Variants in CNTN5 observed in about 807,000 individuals in gnomAD.
CNTN5 encodes contactin 5.
CNTN5 carries 77 observed loss-of-function variants against 129.1 expected under a neutral mutation model. That is an observed-to-expected ratio of 0.60 (90% CI 0.50 to 0.72). The LOEUF (loss-of-function observed/expected upper bound fraction) is 0.72. Ranked by LOEUF, CNTN5 falls within the 30% of genes least tolerant of loss-of-function variation. The probability of loss-of-function intolerance (pLI) is 0.00; values close to 1 mark genes in which losing one functional copy is unlikely to be tolerated. For synonymous variants in CNTN5, 509 were observed against 465.6 expected (o/e 1.09, Z -1.20); for missense variants, 1,478 against 1,328.8 (o/e 1.11, Z -1.75).
intron 6 of CNTN5, among the ~76,000 whole-genome samples, chr11:99,860,194 A>G (rs1948162168): frequency 6.6e-6 from 1 of 151,922 alleles, no homozygotes; most frequent in South Asian, 2.1e-4. Flanking sequence ...ATGGGGTTAT[A>G]GATTCTGAAT....
intron 15 of CNTN5, among the ~76,000 whole-genome samples, chr11:100,218,982 C>A (rs1565350336): frequency 6.6e-6 from 1 of 152,172 alleles, no homozygotes. Flanking sequence ...ATAAAGACCT[C>A]ATTTCAAAGC....
At chr11:99,677,181 AT>A (rs529257945) in intron 3 of CNTN5, among the ~76,000 whole-genome samples, 1 of 152,194 alleles carries the variant, frequency 6.6e-6, no homozygotes, top group Non-Finnish European at 1.5e-5. Context: ...TGCTTATTGA[AT>A]TCCAAAATGA....
chr11:100,173,307 C>A (rs1284464537), intron 13 of CNTN5, among the ~76,000 whole-genome samples: 2 of 152,062 alleles, frequency 1.3e-5, no homozygotes, highest in African/African-American at 4.8e-5. Context: ...TTTTTCTTAA[C>A]CTAACCTTCC....
chr11:99,723,787 C>T (rs1018022644), intron 3 of CNTN5, among the ~76,000 whole-genome samples: 51 of 143,464 alleles, frequency 3.6e-4, no homozygotes, highest in African/African-American at 1.1e-3. Flanking sequence ...CGTGTGCATG[C>T]GCACGCGTGT....
intron 13 of CNTN5, among the ~76,000 whole-genome samples, chr11:100,111,731 AG>A (rs1945664109): frequency 6.6e-6 from 1 of 152,188 alleles, no homozygotes; most frequent in African/African-American, 2.4e-5. Context: ...ATTGTAGAGA[AG>A]ATCTCTAGAT....
At chr11:99,161,033 A>G (rs1190139998) in intron 1 of CNTN5, among the ~76,000 whole-genome samples, 4 of 152,208 alleles carry the variant, frequency 2.6e-5, no homozygotes, top group Non-Finnish European at 5.9e-5. Flanking sequence ...AGTTTGTGAC[A>G]GAAACTGAGT....
At chr11:100,120,840 A>G (rs974418974) in intron 13 of CNTN5, among the ~76,000 whole-genome samples, 1 of 152,018 alleles carries the variant, frequency 6.6e-6, no homozygotes, top group Non-Finnish European at 1.5e-5. Flanking sequence ...TGTAATAAAA[A>G]TAAATTTATT....
intron 1 of CNTN5, among the ~76,000 whole-genome samples, chr11:99,265,332 T>C (rs1862837822): frequency 6.6e-6 from 1 of 151,974 alleles, no homozygotes; most frequent in Non-Finnish European, 1.5e-5. Flanking sequence ...TAAGAAAGAG[T>C]ATAGATTTAT....
At chr11:99,902,210 C>T (rs997408639) in intron 6 of CNTN5, among the ~76,000 whole-genome samples, 62 of 150,314 alleles carry the variant, frequency 4.1e-4, no homozygotes, top group African/African-American at 1.5e-3. Flanking sequence ...TGGATCTACT[C>T]CTCTGTTTTT....
chr11:99,512,374 A>G (rs1946871098), intron 2 of CNTN5, among the ~76,000 whole-genome samples: 1 of 152,248 alleles, frequency 6.6e-6, no homozygotes, highest in South Asian at 2.1e-4. Context: ...TATACCACCC[A>G]GGTTCGTTAA....
At chr11:99,797,284 G>C (rs1210648976) in intron 3 of CNTN5, among the ~76,000 whole-genome samples, 1 of 152,130 alleles carries the variant, frequency 6.6e-6, no homozygotes, top group Non-Finnish European at 1.5e-5. Flanking sequence ...GGGACTGATA[G>C]GTGGAATGGT....
intron 6 of CNTN5, among the ~76,000 whole-genome samples, chr11:99,872,235 A>T (rs1007703509): frequency 6.6e-6 from 1 of 152,046 alleles, no homozygotes; most frequent in African/African-American, 2.4e-5. Context: ...ACACTATGAA[A>T]TGAAAAAAAA....
chr11:99,762,422 C>T (rs1262876882), intron 3 of CNTN5, among the ~76,000 whole-genome samples: 1 of 151,682 alleles, frequency 6.6e-6, no homozygotes, highest in African/African-American at 2.4e-5. Flanking sequence ...GTCTTTAATC[C>T]ATCTTGAATT....
At chr11:100,037,569 T>A (rs949127239) in intron 9 of CNTN5, among the ~76,000 whole-genome samples, 32 of 152,288 alleles carry the variant, frequency 2.1e-4, no homozygotes, top group Admixed American at 3.9e-4. Flanking sequence ...GTACCTCTGG[T>A]AGAATTCGGC....
At chr11:99,402,431 T>C (rs1941862177) in intron 2 of CNTN5, among the ~76,000 whole-genome samples, 1 of 152,196 alleles carries the variant, frequency 6.6e-6, no homozygotes, top group South Asian at 2.1e-4. Flanking sequence ...TGCTTGATCA[T>C]AATGAACAGT....
chr11:100,066,475 TAAGC>T (rs902007483), intron 10 of CNTN5, among the ~76,000 whole-genome samples: 2 of 152,098 alleles, frequency 1.3e-5, no homozygotes, highest in African/African-American at 4.8e-5. Flanking sequence ...CAAGAGATAA[TAAGC>T]AAGAGTTTTC....
At chr11:99,228,573 G>A (rs958043776) in intron 1 of CNTN5, among the ~76,000 whole-genome samples, 5 of 152,010 alleles carry the variant, frequency 3.3e-5, no homozygotes, top group East Asian at 1.9e-4. Flanking sequence ...GTCTGTGTGT[G>A]TAACAAAATG....
chr11:100,071,242 C>T (rs1943909831), intron 11 of CNTN5, among the ~76,000 whole-genome samples: 1 of 152,024 alleles, frequency 6.6e-6, no homozygotes, highest in South Asian at 2.1e-4. Flanking sequence ...GTGAAAATGG[C>T]AAACTCCTGA....
At chr11:100,160,241 G>A (rs1323448151) in intron 13 of CNTN5, among the ~76,000 whole-genome samples, 1 of 151,978 alleles carries the variant, frequency 6.6e-6, no homozygotes, top group Non-Finnish European at 1.5e-5. Flanking sequence ...TCCCTGCAAA[G>A]AACATGAATT....
Sources: gnomAD v4.1 joint callset for allele counts (sites outside exome capture counted in the v4.1 genomes callset) on GRCh38, gnomAD v4.1.1 for gene constraint, MANE v1.5 for transcripts, NCBI Gene and HGNC (gene_info 2026-07-23, HGNC 2026-07-21) for gene names.